The following RNF150 variants were observed in gnomAD, a reference collection of about 807,000 sequenced individuals.
The protein encoded by RNF150 is ring finger protein 150.
RNF150 carries 24 observed loss-of-function variants against 39.3 expected under a neutral mutation model. The observed-to-expected ratio is 0.61, with a 90% CI of 0.44 to 0.86. The LOEUF (loss-of-function observed/expected upper bound fraction) is 0.86, where lower values mean the gene tolerates loss of function less well. Ranked by LOEUF, RNF150 falls within the 40% of genes least tolerant of loss-of-function variation. RNF150 has a pLI of 0.00. For missense variants in RNF150, 502 were observed against 587.8 expected (o/e 0.85, Z 1.51); for synonymous variants, 255 against 227.3 (o/e 1.12, Z -1.10).
intron 1 of RNF150, among the ~76,000 whole-genome samples, chr4:141,005,905 A>G (rs981347806): frequency 6.8e-6 from 1 of 147,448 alleles, no homozygotes; most frequent in East Asian, 1.9e-4. Flanking sequence ...CGTCTCTACT[A>G]AAAATACAAA....
At chr4:141,053,528 C>A (rs1191562815) in intron 1 of RNF150, 2 of 432,594 alleles carry the variant, frequency 4.6e-6, no homozygotes, top group Non-Finnish European at 7.9e-6. Flanking sequence ...AGCATTTAGG[C>A]AGGGCTCAAA....
chr4:141,022,633 T>C (rs1028587923), intron 1 of RNF150, among the ~76,000 whole-genome samples: 3 of 152,196 alleles, frequency 2.0e-5, no homozygotes, highest in African/African-American at 7.2e-5. Flanking sequence ...TAACACCTTC[T>C]TTTTCATTCT....
At chr4:141,160,404 G>A (rs1727489905) in intron 1 of RNF150, among the ~76,000 whole-genome samples, 1 of 152,110 alleles carries the variant, frequency 6.6e-6, no homozygotes, top group East Asian at 1.9e-4. Context: ...TTGTATATTT[G>A]TATAAATCTA....
chr4:141,037,987 AAGTT>A (rs1322349662), intron 1 of RNF150, among the ~76,000 whole-genome samples: 14 of 152,316 alleles, frequency 9.2e-5, no homozygotes, highest in Admixed American at 5.2e-4. Flanking sequence ...TTTATTCACT[AAGTT>A]AGTCACAGGT....
intron 1 of RNF150, among the ~76,000 whole-genome samples, chr4:141,053,355 A>G (rs987643510): frequency 2.0e-5 from 3 of 152,204 alleles, no homozygotes; most frequent in Non-Finnish European, 2.9e-5. Flanking sequence ...ACCCAAGGAC[A>G]TGTACCAAAA....
At chr4:140,994,733 G>C (rs1035962604) in intron 1 of RNF150, among the ~76,000 whole-genome samples, 15 of 152,222 alleles carry the variant, frequency 9.9e-5, no homozygotes, top group African/African-American at 3.4e-4. Flanking sequence ...AGGCTCACTA[G>C]AGTAAAAGGC....
At chr4:140,937,745 AT>A (rs1731913963) in intron 4 of RNF150, among the ~76,000 whole-genome samples, 3 of 151,932 alleles carry the variant, frequency 2.0e-5, no homozygotes, top group Non-Finnish European at 2.9e-5. Flanking sequence ...TGGTCAGATT[AT>A]TTTTGTTTAC....
chr4:140,949,246 A>C (rs1732446954), intron 3 of RNF150, 55 bp downstream of exon 3: 2 of 1,401,548 alleles, frequency 1.4e-6, no homozygotes, highest in South Asian at 1.3e-5. Context: ...CTATAAGAAA[A>C]GTTAGAAGCT....
chr4:140,883,168 T>C (rs1190693250), intron 6 of RNF150, among the ~76,000 whole-genome samples: 2 of 152,190 alleles, frequency 1.3e-5, no homozygotes, highest in Admixed American at 6.5e-5. Context: ...TCTACTCTTA[T>C]ATATTCCCTT....
chr4:141,180,665 A>G (rs1727895083), intron 1 of RNF150, among the ~76,000 whole-genome samples: 1 of 152,202 alleles, frequency 6.6e-6, no homozygotes, highest in African/African-American at 2.4e-5. Flanking sequence ...TCCTCATCTG[A>G]ATTTCCTAAA....
intron 1 of RNF150, among the ~76,000 whole-genome samples, chr4:141,200,823 G>C (rs540775897): frequency 1.3e-5 from 2 of 152,144 alleles, no homozygotes; most frequent in South Asian, 4.1e-4. Context: ...TTTTAAAGAA[G>C]AACCTTCGTT....
intron 1 of RNF150, among the ~76,000 whole-genome samples, chr4:141,170,726 A>G (rs1009831012): frequency 3.9e-5 from 6 of 152,182 alleles, no homozygotes; most frequent in African/African-American, 1.4e-4. Flanking sequence ...TTTGGAAATG[A>G]CCACAGAAAT....
chr4:140,862,823 C>T lies in RNF150; in HGVS notation c.*5438G>A, dbSNP rs1728544982. 1 of 152,186 alleles carries T rather than the reference C, an allele frequency of 6.6e-6. No individual in the cohort carries two copies. Among genetic ancestry groups the T allele is most frequent in the Non-Finnish European group, 1.5e-5 (1 of 68,040 alleles). The allele number at this position is 152,186 out of a possible 1,614,324, so 9.4% of individuals were successfully genotyped here. On this transcript the variant is annotated 3_prime_UTR_variant, in exon 7 of 7. Coordinates refer to ENST00000515673, the MANE Select transcript of RNF150 (RefSeq NM_020724.2). Reference sequence around the variant, plus strand: ...CTCTAAACCTAGGGATGAGCATTTACTTGGGGACAGCACGCACATTTTGTT... The same window carrying T: ...CTCTAAACCTAGGGATGAGCATTTATTTGGGGACAGCACGCACATTTTGTT...
At chr4:140,999,424 AGTCAAAGGTTTGAAGTCTTATC>A (rs914648073) in intron 1 of RNF150, among the ~76,000 whole-genome samples, 1 of 152,238 alleles carries the variant, frequency 6.6e-6, no homozygotes, top group African/African-American at 2.4e-5. Flanking sequence ...TTTCTTTTTC[AGTCAAAGGTTTGAAGTCTTATC>A]ATCAAGGGTT....
chr4:140,954,496 C>T (rs1025993788), intron 2 of RNF150, among the ~76,000 whole-genome samples: 10 of 152,088 alleles, frequency 6.6e-5, no homozygotes, highest in African/African-American at 1.2e-4. Flanking sequence ...ATGAGCTACC[C>T]GTGCCTGGCC....
chr4:141,093,137 C>A (rs565886421), intron 1 of RNF150, among the ~76,000 whole-genome samples: 4 of 151,976 alleles, frequency 2.6e-5, no homozygotes, highest in African/African-American at 9.7e-5. Context: ...GAGGCCAAGG[C>A]GGGTAGATTA....
chr4:140,935,031 TAA>T (rs1560975616), intron 4 of RNF150, among the ~76,000 whole-genome samples: 110 of 10,490 alleles, frequency 0.01, no homozygotes, highest in South Asian at 0.032. Context: ...TATATATTTA[TAA>T]TATATATATA....
intron 1 of RNF150, among the ~76,000 whole-genome samples, chr4:141,042,893 TC>T (rs1162292005): frequency 6.6e-6 from 1 of 152,084 alleles, no homozygotes; most frequent in African/African-American, 2.4e-5. Flanking sequence ...AACCTTGTCT[TC>T]GGCATACTAT....
intron 1 of RNF150, among the ~76,000 whole-genome samples, chr4:141,071,238 G>T (rs1322620390): frequency 1.6e-5 from 2 of 126,382 alleles, no homozygotes; most frequent in African/African-American, 6.0e-5. Flanking sequence ...GTGGTGGGGT[G>T]GGGGGAGGGG....
Sources: gnomAD v4.1 joint callset for allele counts (sites outside exome capture counted in the v4.1 genomes callset) on GRCh38, gnomAD v4.1.1 for gene constraint, MANE v1.5 for transcripts, NCBI Gene and HGNC (gene_info 2026-07-23, HGNC 2026-07-21) for gene names.